Variants in ACOT7 observed in about 807,000 individuals in gnomAD.
ACOT7 encodes the protein cytosolic acyl coenzyme A thioester hydrolase.
In ACOT7, 12 loss-of-function variants were observed where a neutral mutation model predicts 40.2. The ratio of observed to expected loss-of-function variants is 0.30; its 90% confidence interval spans 0.19 to 0.48. The LOEUF (loss-of-function observed/expected upper bound fraction) is 0.48, where lower values mean the gene tolerates loss of function less well. Ranked by LOEUF, ACOT7 falls within the 20% of genes least tolerant of loss-of-function variation. ACOT7 has a pLI of 0.99. For synonymous variants in ACOT7, 228 were observed against 219.5 expected (o/e 1.04, Z -0.34); for missense variants, 395 against 530.8 (o/e 0.74, Z 2.51).
rs1639263678 is a variant in ACOT7, at chr1:6,278,462, T to C, written c.1014+2640A>G. The stretch of plus-strand genomic sequence containing the variant: ...GTTCGGGAGAGGAGTGGAGCGGCAC[T>C]GGGTGGGCGTGGGCATGGGGGGAGT... On this transcript the variant is annotated intron_variant, in intron 8 of 8. Transcript: ENST00000361521. The surrounding 1 kb of genome is among the most constrained non-coding windows in gnomAD (Gnocchi z 4.1). Among the ~76,000 whole-genome samples the C allele has an allele frequency of 6.6e-6, 1 of 151,860 alleles. No individual in the cohort carries two copies. The highest frequency in any genetic ancestry group is 1.5e-5 in the Non-Finnish European group (1 of 67,968).
chr1:6,314,422 A>G (rs1369880928), intron 6 of ACOT7, among the ~76,000 whole-genome samples: 1 of 152,066 alleles, frequency 6.6e-6, no homozygotes, highest in Non-Finnish European at 1.5e-5. Context: ...AAGTACAAGG[A>G]AAAAACTAAG....
At chr1:6,314,149 A>G (rs1268137386) in intron 6 of ACOT7, among the ~76,000 whole-genome samples, 5 of 152,184 alleles carry the variant, frequency 3.3e-5, no homozygotes, top group Non-Finnish European at 1.5e-5. Context: ...AGGGCACAGA[A>G]CAACCATTGG....
At chr1:6,347,076 C>T (rs374900574) in intron 2 of ACOT7, among the ~76,000 whole-genome samples, 1 of 152,132 alleles carries the variant, frequency 6.6e-6, no homozygotes, top group African/African-American at 2.4e-5. Context: ...CTTGGGACTT[C>T]CAGCCACAGA....
chr1:6,354,427 G>A (rs1641681537), intron 1 of ACOT7, among the ~76,000 whole-genome samples: 1 of 152,266 alleles, frequency 6.6e-6, no homozygotes, highest in Non-Finnish European at 1.5e-5. Context: ...ACCCCACAAA[G>A]CTGGCGCATG....
At chr1:6,373,343 C>G (rs1430644749) in intron 1 of ACOT7, among the ~76,000 whole-genome samples, 3 of 152,108 alleles carry the variant, frequency 2.0e-5, no homozygotes, top group Non-Finnish European at 4.4e-5. Context: ...CTCTGCCTCC[C>G]AGGTTCAAGT....
chr1:6,363,965 C>T (rs1303270832), intron 1 of ACOT7, among the ~76,000 whole-genome samples: 1 of 152,150 alleles, frequency 6.6e-6, no homozygotes, highest in Non-Finnish European at 1.5e-5. Flanking sequence ...CCCAGCTACT[C>T]AGGGGGCTGA....
At position 6,346,134 on chromosome 1, in the gene ACOT7, T is replaced by A. The variant is rs374381818; in HGVS notation, c.261+3615A>T. On this transcript the variant is annotated intron_variant, in intron 2 of 8. Transcript: ENST00000361521. ...TGTTTTTGTAGAAACAGGGTCTCAC[T>A]CTGTCATCCAGGCTGGAGAGCAGTG... Among the ~76,000 whole-genome samples the A allele has an allele frequency of 3.9e-5, 6 of 152,298 alleles. No individual in the cohort carries two copies. In the East Asian group the frequency reaches 1.2e-3, roughly 29 times the overall value.
intron 6 of ACOT7, among the ~76,000 whole-genome samples, chr1:6,317,843 T>G (rs2148420852): frequency 6.6e-6 from 1 of 151,314 alleles, no homozygotes; most frequent in South Asian, 2.1e-4. Context: ...GTGATTCTCT[T>G]GCCTCAGCCT....
At chr1:6,281,903 T>G (rs1258389434) in intron 7 of ACOT7, among the ~76,000 whole-genome samples, 1 of 152,118 alleles carries the variant, frequency 6.6e-6, no homozygotes, top group Non-Finnish European at 1.5e-5. Flanking sequence ...CTGGCCCCAC[T>G]GGTCTCGCCC....
intron 5 of ACOT7, among the ~76,000 whole-genome samples, chr1:6,321,899 G>T (rs971861232): frequency 6.6e-6 from 1 of 152,194 alleles, no homozygotes. Flanking sequence ...CCAATTTCTG[G>T]CCTTCTCTCA....
intron 1 of ACOT7, among the ~76,000 whole-genome samples, chr1:6,370,997 G>A (rs941688322): frequency 6.6e-6 from 1 of 151,906 alleles, no homozygotes; most frequent in South Asian, 2.1e-4. Context: ...TTTTAGTAGA[G>A]ACAGGGTTTC....
intron 5 of ACOT7, among the ~76,000 whole-genome samples, chr1:6,319,693 C>A (rs1640590441): frequency 6.6e-6 from 1 of 152,222 alleles, no homozygotes; most frequent in Admixed American, 6.5e-5. Flanking sequence ...CAAGTGCCTG[C>A]CTCATCCCTG....
chr1:6,391,941 C>CTT (rs797015712), intron 1 of ACOT7, among the ~76,000 whole-genome samples: 1 of 144,926 alleles, frequency 6.9e-6, no homozygotes, highest in African/African-American at 2.5e-5. Context: ...CAGTTATTTC[C>CTT]TTTTTTTTTT....
At chr1:6,337,115 C>A (rs1641127179) in intron 3 of ACOT7, among the ~76,000 whole-genome samples, 1 of 152,250 alleles carries the variant, frequency 6.6e-6, no homozygotes, top group Admixed American at 6.5e-5. Flanking sequence ...GCCTCACGCG[C>A]ACGACAGCGC....
rs953349584 is a variant in ACOT7 at position 6,311,232 on chromosome 1, C to T, written c.712+7260G>A. 1.3e-5 allele frequency among the ~76,000 whole-genome samples: 2 copies of T among 152,180 alleles called. No individual in the cohort carries two copies. The highest frequency in any genetic ancestry group is 4.8e-5 in the African/African-American group (2 of 41,446). ...GAGCAGAGTTAGTTTTTACTCAGAG[C>T]CGATGTGATCAGTAAACGTTGAGGT... is the stretch of plus-strand genomic sequence containing the variant. On this transcript the variant is annotated intron_variant, in intron 6 of 8. Coordinates refer to ENST00000361521, the MANE Select transcript of ACOT7 (RefSeq NM_007274.4). The surrounding 1 kb of genome is among the most constrained non-coding windows in gnomAD (Gnocchi z 5.2).
intron 1 of ACOT7, among the ~76,000 whole-genome samples, chr1:6,377,217 T>C (rs1480280970): frequency 6.6e-6 from 1 of 152,052 alleles, no homozygotes; most frequent in Non-Finnish European, 1.5e-5. Flanking sequence ...AAATCAATCC[T>C]ATATTCCATT....
At chr1:6,271,836 G>A (rs1284255730) in intron 8 of ACOT7, among the ~76,000 whole-genome samples, 5 of 152,252 alleles carry the variant, frequency 3.3e-5, no homozygotes. Context: ...CCCCCAAGTG[G>A]GGCCAAGAAA....
intron 2 of ACOT7, among the ~76,000 whole-genome samples, chr1:6,348,437 C>T (rs955583827): frequency 7.2e-5 from 11 of 152,198 alleles, no homozygotes; most frequent in African/African-American, 2.4e-4. Context: ...CTCTGCATGG[C>T]TGTCCCCACC....
intron 2 of ACOT7, among the ~76,000 whole-genome samples, chr1:6,346,410 G>C (rs962522098): frequency 6.6e-6 from 1 of 152,220 alleles, no homozygotes; most frequent in Non-Finnish European, 1.5e-5. Context: ...AAGAGGAGAG[G>C]GCAGGGCCCT....
Sources: allele counts gnomAD v4.1 joint callset (sites outside exome capture counted in the v4.1 genomes callset), GRCh38; gene constraint gnomAD v4.1.1; non-coding constraint Gnocchi (gnomAD v3.1); transcripts MANE v1.5; gene names NCBI Gene and HGNC (gene_info 2026-07-23, HGNC 2026-07-21).